The following PDZRN3 variants were observed in gnomAD, a reference collection of about 807,000 sequenced individuals.
The protein encoded by PDZRN3 is E3 ubiquitin-protein ligase PDZRN3.
A neutral mutation model predicts 85.7 loss-of-function variants in PDZRN3; 38 were observed. That is an observed-to-expected ratio of 0.44 (90% CI 0.34 to 0.58). The LOEUF is 0.58. Among genes scored for constraint, PDZRN3 ranks in the 20% least tolerant of loss-of-function variants. The pLI, the probability that PDZRN3 is intolerant of heterozygous loss-of-function variation, is 0.01. For missense variants in PDZRN3, 1,629 were observed against 1,506.4 expected, an observed-to-expected ratio of 1.08 and a Z score of -1.35; for synonymous variants, 759 against 638.0, an observed-to-expected ratio of 1.19 and a Z score of -2.86.
intron 3 of PDZRN3, among the ~76,000 whole-genome samples, chr3:73,550,911 T>A (rs901717610): frequency 2.6e-5 from 4 of 152,226 alleles, no homozygotes; most frequent in Non-Finnish European, 5.9e-5. Context: ...AGAAGCAGAA[T>A]GTTGCAAAAT....
intron 3 of PDZRN3, among the ~76,000 whole-genome samples, chr3:73,426,124 G>C (rs535814313): frequency 6.6e-6 from 1 of 152,190 alleles, no homozygotes; most frequent in Admixed American, 6.5e-5. Context: ...GATAATGCTG[G>C]AGCCTGGAGT....
chr3:73,619,183 A>C (rs571891651), intron 1 of PDZRN3, among the ~76,000 whole-genome samples: 1 of 152,316 alleles, frequency 6.6e-6, no homozygotes, highest in African/African-American at 2.4e-5. Flanking sequence ...CTTTTTAAAC[A>C]CGAGCCCACT....
intron 3 of PDZRN3, among the ~76,000 whole-genome samples, chr3:73,554,913 T>A (rs1157457041): frequency 6.6e-6 from 1 of 152,196 alleles, no homozygotes; most frequent in Non-Finnish European, 1.5e-5. Context: ...CTAATAACAA[T>A]TAGATTTTTC....
At chr3:73,399,061 C>T (rs1053944366) in intron 5 of PDZRN3, among the ~76,000 whole-genome samples, 8 of 152,084 alleles carry the variant, frequency 5.3e-5, no homozygotes, top group Admixed American at 1.3e-4. Context: ...CTCTCACAGA[C>T]AGGAGCATTT....
intron 3 of PDZRN3, among the ~76,000 whole-genome samples, chr3:73,415,847 C>T (rs1702070387): frequency 6.6e-6 from 1 of 152,058 alleles, no homozygotes; most frequent in Admixed American, 6.5e-5. Flanking sequence ...GAAGTGATTA[C>T]TACAGTCAAG....
At chr3:73,518,697 T>C (rs987998564) in intron 3 of PDZRN3, among the ~76,000 whole-genome samples, 7 of 152,126 alleles carry the variant, frequency 4.6e-5, no homozygotes, top group Non-Finnish European at 1.0e-4. Context: ...AGATTTAGTG[T>C]CTAGTGAGGG....
intron 3 of PDZRN3, chr3:73,408,402 T>C: frequency 1.7e-6 from 1 of 581,804 alleles, no homozygotes; most frequent in South Asian, 2.2e-5. Flanking sequence ...AAGAGACACA[T>C]TTTCCCAGGA....
At chr3:73,573,817 A>ACC (rs1702078746) in intron 3 of PDZRN3, among the ~76,000 whole-genome samples, 2 of 13,626 alleles carry the variant, frequency 1.5e-4, no homozygotes, top group Admixed American at 7.1e-4. Flanking sequence ...ACACCTATAC[A>ACC]TATACATATA....
intron 1 of PDZRN3, 102 bp from the exon 2 acceptor site, chr3:73,608,786 A>G (rs1462480521): frequency 1.4e-6 from 1 of 704,718 alleles, no homozygotes; most frequent in Admixed American, 2.7e-5. Context: ...TCAGCTAATC[A>G]TTACAAATCC....
intron 3 of PDZRN3, among the ~76,000 whole-genome samples, chr3:73,468,021 G>A (rs972303557): frequency 1.1e-4 from 16 of 152,038 alleles, no homozygotes; most frequent in African/African-American, 3.6e-4. Flanking sequence ...CTGGAGATTG[G>A]TCACACAACA....
intron 3 of PDZRN3, among the ~76,000 whole-genome samples, chr3:73,502,398 T>C (rs3890620): frequency 0.27 from 40,742 of 152,236 alleles, 6,531 homozygotes; most frequent in Non-Finnish European, 0.38. Context: ...TCTAAATAAT[T>C]GCTTTCCTAA....
At chr3:73,605,992 T>C (rs972861095) in intron 2 of PDZRN3, among the ~76,000 whole-genome samples, 1 of 152,190 alleles carries the variant, frequency 6.6e-6, no homozygotes, top group Non-Finnish European at 1.5e-5. Flanking sequence ...TGTATTCCAG[T>C]GGGGTTGGAA....
chr3:73,603,153 C>T lies in PDZRN3; in HGVS notation c.811-692G>A, dbSNP rs115937753. Among the ~76,000 whole-genome samples, 495 of 152,316 alleles carry T rather than the reference C, an allele frequency of 3.2e-3. 2 individuals carry two copies. Among genetic ancestry groups the T allele is most frequent in the African/African-American group, 0.011 (478 of 41,574 alleles). Reference sequence around the variant, plus strand: ...GAGTGTTTTCCCACATCCTCATTTGCACAGAATGTTATTAAACTTGTAAAT... The same window carrying T: ...GAGTGTTTTCCCACATCCTCATTTGTACAGAATGTTATTAAACTTGTAAAT... On this transcript the variant is annotated intron_variant, in intron 2 of 9. Coordinates refer to ENST00000263666, the MANE Select transcript of PDZRN3 (RefSeq NM_015009.3).
chr3:73,404,523 T>A, intron 3 of PDZRN3, 128 bp from the exon 4 acceptor site: 1 of 969,318 alleles, frequency 1.0e-6, no homozygotes, highest in Non-Finnish European at 1.5e-6. Flanking sequence ...GTCAGAGAAC[T>A]TCAGTTCTCT....
chr3:73,446,334 C>T (rs1161616139), intron 3 of PDZRN3, among the ~76,000 whole-genome samples: 3 of 152,162 alleles, frequency 2.0e-5, no homozygotes, highest in Non-Finnish European at 2.9e-5. Context: ...AGCCATGCCA[C>T]GATCCCACCA....
intron 3 of PDZRN3, among the ~76,000 whole-genome samples, chr3:73,590,158 A>AC: frequency 9.3e-6 from 1 of 107,884 alleles, no homozygotes; most frequent in East Asian, 3.7e-4. Context: ...AATCCCAGCT[A>AC]CTTGGGGGGC....
chr3:73,508,944 T>C (rs1400330358), intron 3 of PDZRN3, among the ~76,000 whole-genome samples: 1 of 152,112 alleles, frequency 6.6e-6, no homozygotes, highest in African/African-American at 2.4e-5. Context: ...ATGCCTATGG[T>C]TTATCCAGAC....
intron 3 of PDZRN3, among the ~76,000 whole-genome samples, chr3:73,507,148 C>T (rs190334672): frequency 2.9e-4 from 43 of 148,520 alleles, no homozygotes; most frequent in Admixed American, 2.8e-3. Context: ...CATTTATGCA[C>T]ACATATAAGC....
At chr3:73,539,598 C>T (rs1704867359) in intron 3 of PDZRN3, among the ~76,000 whole-genome samples, 1 of 152,048 alleles carries the variant, frequency 6.6e-6, no homozygotes, top group African/African-American at 2.4e-5. Context: ...TGCATGAAAG[C>T]CACTGAGAGA....
Sources: gnomAD v4.1 joint callset for allele counts (sites outside exome capture counted in the v4.1 genomes callset) on GRCh38, gnomAD v4.1.1 for gene constraint, MANE v1.5 for transcripts, NCBI Gene and HGNC (gene_info 2026-07-23, HGNC 2026-07-21) for gene names.